The following PSMC2 variants were observed in gnomAD, a reference collection of about 807,000 sequenced individuals.
The protein encoded by PSMC2 is proteasome 26S subunit, ATPase 2, also known as 26S proteasome regulatory subunit 7.
PSMC2 carries 7 observed loss-of-function variants against 53.3 expected under a neutral mutation model. The observed-to-expected ratio is 0.13, with a 90% CI of 0.07 to 0.25. The LOEUF (loss-of-function observed/expected upper bound fraction) is 0.25, where lower values mean the gene tolerates loss of function less well. PSMC2 is among the 10% of genes least tolerant of loss of function. The pLI is 1.00. For synonymous variants in PSMC2, 169 were observed against 183.9 expected (o/e 0.92, Z 0.66); for missense variants, 241 against 544.0 (o/e 0.44, Z 5.54).
chr7:103,360,006 GGGAGGCGGAAGTTGCAGTGAGTCA>G (rs1216878166), intron 4 of PSMC2, among the ~76,000 whole-genome samples: 1 of 151,922 alleles, frequency 6.6e-6, no homozygotes, highest in Non-Finnish European at 1.5e-5. Flanking sequence ...GCTCGAACGT[GGGAGGCGGAAGTTGCAGTGAGTCA>G]AGATCGCGCC....
intron 1 of PSMC2, among the ~76,000 whole-genome samples, chr7:103,351,170 G>A (rs1024616257): frequency 1.3e-5 from 2 of 152,192 alleles, no homozygotes; most frequent in Non-Finnish European, 2.9e-5. Flanking sequence ...ATATGCCGGT[G>A]TGTTGGATAG....
rs1413262458 is a variant in PSMC2, at chr7:103,356,882, C to CT, written c.290+1093dup. Among the ~76,000 whole-genome samples the CT allele has an allele frequency of 2.0e-5, 3 of 152,188 alleles. No individual in the cohort carries two copies. The East Asian group carries it at 5.8e-4, about 29-fold the overall frequency. ...AACATATTCTCCTCTGTTTATAATC[C>CT]TTTTAAAAATTTTGTTTTTATTTTT... On this transcript the variant is annotated intron_variant, in intron 4 of 11. Coordinates refer to ENST00000292644, the MANE Select transcript of PSMC2 (RefSeq NM_002803.4).
chr7:103,354,156 C>A (rs1193642612), intron 2 of PSMC2, among the ~76,000 whole-genome samples, 198 bp downstream of exon 2: 1 of 151,944 alleles, frequency 6.6e-6, no homozygotes. Flanking sequence ...AAGTTACCTA[C>A]CTAAAGTTTA....
chr7:103,352,814 A>C (rs1052265872), intron 1 of PSMC2: 2 of 780,292 alleles, frequency 2.6e-6, no homozygotes, highest in Non-Finnish European at 4.8e-6. Context: ...CCCCACTAAC[A>C]GATTCCAGAG....
chr7:103,363,133 T>C (rs1469953848), intron 6 of PSMC2, among the ~76,000 whole-genome samples: 1 of 152,226 alleles, frequency 6.6e-6, no homozygotes, highest in African/African-American at 2.4e-5. Context: ...AGTCTCAGCC[T>C]GTCTTTATTT....
At chr7:103,349,662 CTGGTCT>C (rs1277218540) in intron 1 of PSMC2, among the ~76,000 whole-genome samples, 1 of 152,118 alleles carries the variant, frequency 6.6e-6, no homozygotes, top group East Asian at 1.9e-4. Context: ...GTTGGCCAGG[CTGGTCT>C]TGAACTCCTG....
At chr7:103,360,823 T>A (rs1308543684) in intron 4 of PSMC2, among the ~76,000 whole-genome samples, 1 of 152,208 alleles carries the variant, frequency 6.6e-6, no homozygotes, top group Non-Finnish European at 1.5e-5. Context: ...TAAAAATAGC[T>A]TCTACTGGCC....
intron 4 of PSMC2, 115 bp downstream of exon 4, chr7:103,355,908 T>A: frequency 1.4e-6 from 1 of 699,376 alleles, no homozygotes; most frequent in Non-Finnish European, 2.2e-6. Flanking sequence ...AAATTCCAAG[T>A]AAATAAAGCT....
intron 4 of PSMC2, 114 bp downstream of exon 4, chr7:103,355,907 GTAAA>G: frequency 2.8e-6 from 2 of 713,218 alleles, no homozygotes; most frequent in Non-Finnish European, 4.3e-6. Flanking sequence ...CAAATTCCAA[GTAAA>G]TAAAGCTTTC....
chr7:103,362,433 CACTT>C, intron 5 of PSMC2: 1 of 1,355,090 alleles, frequency 7.4e-7, no homozygotes, highest in Non-Finnish European at 9.5e-7. Flanking sequence ...CATAACAACT[CACTT>C]AGTAAATTAA....
rs185302141 is a variant in PSMC2, at chr7:103,360,012, C to T, written c.291-1945C>T. Among the ~76,000 whole-genome samples the T allele has an allele frequency of 4.0e-4, 60 of 151,002 alleles. No homozygotes were observed. The East Asian group carries it at 7.4e-3, about 19-fold the overall frequency. On this transcript the variant is annotated intron_variant, in intron 4 of 11. Coordinates refer to ENST00000292644, the MANE Select transcript of PSMC2 (RefSeq NM_002803.4). ...AGGAGAATTGCTCGAACGTGGGAGG[C>T]GGAAGTTGCAGTGAGTCAAGATCGC...
intron 4 of PSMC2, among the ~76,000 whole-genome samples, chr7:103,361,510 C>CAAAAAAAAAAAAAAAAAAAAAAAAA (rs759044767): frequency 2.0e-5 from 1 of 51,102 alleles, no homozygotes; most frequent in African/African-American, 6.5e-5. Context: ...AACTCCATCT[C>CAAAAAAAAAAAAAAAAAAAAAAAAA]AAAAAAAAAA....
Position 103,347,790 on chromosome 7 carries a change from ACATGG to A in PSMC2, c.70+10_70+14del. The A allele has an allele frequency of 6.2e-7, 1 of 1,613,770 alleles. No homozygotes were observed. The highest frequency in any genetic ancestry group is 8.5e-7 in the Non-Finnish European group (1 of 1,179,782). ...CGACAAGCCCATCCGAGGTCAGTTG[ACATGG>A]GCCGGAGCTCGGAGCTGGGGCGGGA... On this transcript the variant is annotated intron_variant, in intron 1 of 11. Coordinates refer to ENST00000292644, the MANE Select transcript of PSMC2 (RefSeq NM_002803.4).
chr7:103,359,535 G>A (rs1238108245), intron 4 of PSMC2, among the ~76,000 whole-genome samples: 1 of 151,936 alleles, frequency 6.6e-6, no homozygotes, highest in East Asian at 1.9e-4. Flanking sequence ...TCTACTTTCT[G>A]TTTCTATGAA....
intron 6 of PSMC2, 146 bp from the exon 7 acceptor site, chr7:103,363,198 T>C (rs1290184055): frequency 1.6e-5 from 10 of 619,280 alleles, no homozygotes; most frequent in Non-Finnish European, 2.8e-5. Context: ...AGCAAGTAGT[T>C]CCAGGGCACT....
chr7:103,360,207 T>C (rs1820300556), intron 4 of PSMC2, among the ~76,000 whole-genome samples: 2 of 152,210 alleles, frequency 1.3e-5, no homozygotes, highest in African/African-American at 4.8e-5. Context: ...ATGCATTTCA[T>C]AATGTTTTGC....
intron 1 of PSMC2, among the ~76,000 whole-genome samples, chr7:103,350,109 T>G (rs1819695381): frequency 1.3e-5 from 2 of 152,216 alleles, no homozygotes; most frequent in African/African-American, 4.8e-5. Context: ...CCTCTTCTAT[T>G]TGTTGTCCTA....
At chr7:103,355,461 G>A (rs1819979927) in intron 3 of PSMC2, among the ~76,000 whole-genome samples, 1 of 139,996 alleles carries the variant, frequency 7.1e-6, no homozygotes, top group Non-Finnish European at 1.6e-5. Flanking sequence ...CCCTCCCAGA[G>A]GACACTGGGC....
At chr7:103,350,985 T>G (rs933857884) in intron 1 of PSMC2, among the ~76,000 whole-genome samples, 2 of 152,098 alleles carry the variant, frequency 1.3e-5, no homozygotes, top group African/African-American at 4.8e-5. Flanking sequence ...TCCGCCTGCT[T>G]CTTTTCTTTC....
Sources: gnomAD v4.1 joint callset for allele counts (sites outside exome capture counted in the v4.1 genomes callset) on GRCh38, gnomAD v4.1.1 for gene constraint, MANE v1.5 for transcripts, NCBI Gene and HGNC (gene_info 2026-07-23, HGNC 2026-07-21) for gene names.